Variants in EIF4G3 observed in about 807,000 individuals in gnomAD.
EIF4G3 encodes eukaryotic translation initiation factor 4 gamma 3, also known as eIF-4-gamma 3.
EIF4G3 carries 34 observed loss-of-function variants against 186.4 expected under a neutral mutation model. That is an observed-to-expected ratio of 0.18 (90% CI 0.14 to 0.24). EIF4G3 has a LOEUF of 0.24. Among genes scored for constraint, EIF4G3 ranks in the 10% least tolerant of loss-of-function variants. The probability of loss-of-function intolerance (pLI) is 1.00; values close to 1 mark genes in which losing one functional copy is unlikely to be tolerated. For missense variants in EIF4G3, 1,536 were observed against 1,948.5 expected, an observed-to-expected ratio of 0.79 and a Z score of 3.99; for synonymous variants, 673 against 679.5, an observed-to-expected ratio of 0.99 and a Z score of 0.15.
chr1:20,888,875 T>C (rs975302996), intron 18 of EIF4G3, among the ~76,000 whole-genome samples: 8 of 152,152 alleles, frequency 5.3e-5, no homozygotes, highest in African/African-American at 1.4e-4. Flanking sequence ...TAGCAACATA[T>C]GATGAATGAT....
intron 3 of EIF4G3, among the ~76,000 whole-genome samples, chr1:21,086,115 T>C (rs2095965171): frequency 6.6e-6 from 1 of 151,886 alleles, no homozygotes; most frequent in Admixed American, 6.6e-5. Flanking sequence ...TGAATGGGGC[T>C]GCAGAAATAA....
chr1:21,158,037 T>A (rs1002202780), intron 2 of EIF4G3, among the ~76,000 whole-genome samples: 1 of 152,192 alleles, frequency 6.6e-6, no homozygotes, highest in African/African-American at 2.4e-5. Context: ...TTCTCACAAT[T>A]GTCCTTATCA....
chr1:20,907,709 C>A (rs1002795109), intron 14 of EIF4G3, among the ~76,000 whole-genome samples: 3 of 152,194 alleles, frequency 2.0e-5, no homozygotes, highest in East Asian at 1.9e-4. Flanking sequence ...CATGTCCCTA[C>A]AAAGGACATG....
At chr1:21,106,079 T>G (rs1315750630) in intron 2 of EIF4G3, among the ~76,000 whole-genome samples, 1 of 151,688 alleles carries the variant, frequency 6.6e-6, no homozygotes, top group African/African-American at 2.4e-5. Flanking sequence ...TTTTTTTTTT[T>G]TTTTGTTAAA....
At chr1:21,016,921 A>G (rs1210802944) in intron 4 of EIF4G3, among the ~76,000 whole-genome samples, 1 of 152,168 alleles carries the variant, frequency 6.6e-6, no homozygotes, top group Non-Finnish European at 1.5e-5. Flanking sequence ...GTGAGCCGAG[A>G]TCACGCCACT....
chr1:20,961,510 T>C (rs961364509), intron 12 of EIF4G3, among the ~76,000 whole-genome samples: 3 of 152,246 alleles, frequency 2.0e-5, no homozygotes, highest in Non-Finnish European at 4.4e-5. Context: ...CTAGGAGCAT[T>C]TGAATTCTTC....
At chr1:21,030,841 T>C (rs1038689257) in intron 4 of EIF4G3, among the ~76,000 whole-genome samples, 1 of 152,074 alleles carries the variant, frequency 6.6e-6, no homozygotes, top group Non-Finnish European at 1.5e-5. Flanking sequence ...CCATATAGAT[T>C]GCTGAATATG....
intron 2 of EIF4G3, among the ~76,000 whole-genome samples, chr1:21,156,163 C>T (rs1053099059): frequency 2.6e-5 from 4 of 151,548 alleles, no homozygotes; most frequent in African/African-American, 4.8e-5. Context: ...AACTCAAGAG[C>T]TTTCAATCAA....
intron 2 of EIF4G3, among the ~76,000 whole-genome samples, chr1:21,134,272 T>C (rs913169868): frequency 1.3e-5 from 2 of 152,010 alleles, no homozygotes; most frequent in Non-Finnish European, 2.9e-5. Context: ...GCTGAAAAAA[T>C]ATACACATGT....
Position 20,888,837 on chromosome 1 carries a change from T to C in EIF4G3, c.2254-2466A>G, listed in dbSNP as rs78488043. Among the ~76,000 whole-genome samples the C allele has an allele frequency of 9.4e-3, 1,433 of 152,240 alleles. 19 individuals are homozygous for C. Among genetic ancestry groups the C allele is most frequent in the African/African-American group, 0.032 (1,340 of 41,548 alleles). The stretch of plus-strand genomic sequence containing the variant: ...TTGTGTGTGAAAATCTTAATACAGA[T>C]AATCAAATTTATGGTATCCTTCAGA... On this transcript the variant is annotated intron_variant, in intron 18 of 36. Transcript: ENST00000602326.
chr1:21,130,012 G>A (rs1336513366), intron 2 of EIF4G3, among the ~76,000 whole-genome samples: 1 of 151,972 alleles, frequency 6.6e-6, no homozygotes, highest in African/African-American at 2.4e-5. Context: ...ACCAAGCAAC[G>A]GTATTCTACA....
intron 29 of EIF4G3, chr1:20,847,681 G>A (rs1031436922): frequency 2.5e-6 from 1 of 407,210 alleles, no homozygotes; most frequent in Non-Finnish European, 5.0e-6. Flanking sequence ...CAATTTATAA[G>A]AATACCCCTA....
chr1:21,015,585 C>A (rs1419806625), intron 4 of EIF4G3, among the ~76,000 whole-genome samples: 1 of 151,924 alleles, frequency 6.6e-6, no homozygotes, highest in Non-Finnish European at 1.5e-5. Flanking sequence ...ACAGCAAGAA[C>A]CTGTCTATAC....
chr1:21,167,937 T>A (rs767308122), intron 2 of EIF4G3: 36 of 386,854 alleles, frequency 9.3e-5, no homozygotes, highest in Admixed American at 2.9e-4. Flanking sequence ...ACAGGAACAA[T>A]AACTCAAAAG....
chr1:21,075,080 CAAG>C (rs2095545708), intron 3 of EIF4G3, among the ~76,000 whole-genome samples: 1 of 151,458 alleles, frequency 6.6e-6, no homozygotes, highest in Non-Finnish European at 1.5e-5. Context: ...AAATAATAAA[CAAG>C]GAGAGGGAAA....
At chr1:21,018,039 A>C (rs1464278640) in intron 4 of EIF4G3, among the ~76,000 whole-genome samples, 1 of 151,984 alleles carries the variant, frequency 6.6e-6, no homozygotes, top group Non-Finnish European at 1.5e-5. Flanking sequence ...CCCAGGCTCA[A>C]GCGATCCTCC....
At chr1:20,830,633 T>C (rs1172814125) in intron 30 of EIF4G3, among the ~76,000 whole-genome samples, 2 of 152,198 alleles carry the variant, frequency 1.3e-5, no homozygotes, top group Non-Finnish European at 2.9e-5. Context: ...ACTGTAGCCA[T>C]GCTGGTCTTT....
At chr1:21,096,949 T>C (rs926911331) in intron 2 of EIF4G3, among the ~76,000 whole-genome samples, 1 of 152,210 alleles carries the variant, frequency 6.6e-6, no homozygotes, top group Non-Finnish European at 1.5e-5. Flanking sequence ...ATAATCATGA[T>C]TAATCTTGAA....
chr1:20,977,781 T>G, intron 10 of EIF4G3, among the ~76,000 whole-genome samples: 1 of 152,210 alleles, frequency 6.6e-6, no homozygotes, highest in East Asian at 1.9e-4. Context: ...TGTTATAATA[T>G]TGTACATTCA....
Sources: allele counts gnomAD v4.1 joint callset (sites outside exome capture counted in the v4.1 genomes callset), GRCh38; gene constraint gnomAD v4.1.1; transcripts MANE v1.5; gene names NCBI Gene and HGNC (gene_info 2026-07-23, HGNC 2026-07-21).